Variants in SRGAP2C observed in about 807,000 individuals in gnomAD.
SRGAP2C encodes SLIT-ROBO Rho GTPase activating protein 2C, also known as SLIT-ROBO Rho GTPase-activating protein 2C.
Under a neutral mutation model 25.1 loss-of-function variants are expected in SRGAP2C, and 15 were observed. The observed-to-expected ratio is 0.60, with a 90% CI of 0.40 to 0.92. The LOEUF (loss-of-function observed/expected upper bound fraction) is 0.92, where lower values mean the gene tolerates loss of function less well. Among genes scored for constraint, SRGAP2C ranks in the 40% least tolerant of loss-of-function variants. The probability of loss-of-function intolerance (pLI) is 0.00; values close to 1 mark genes in which losing one functional copy is unlikely to be tolerated. For synonymous variants in SRGAP2C, 44 were observed against 96.6 expected, an observed-to-expected ratio of 0.46 and a Z score of 3.19; for missense variants, 144 against 264.4, an observed-to-expected ratio of 0.54 and a Z score of 3.16.
chr1:121,347,062 C>G (rs1296379495), intron 4 of SRGAP2C, among the ~76,000 whole-genome samples: 1 of 147,996 alleles, frequency 6.8e-6, no homozygotes, highest in East Asian at 2.0e-4. Context: ...AGGAAATGAA[C>G]ATTAGACCAG....
intron 3 of SRGAP2C, among the ~76,000 whole-genome samples, chr1:121,323,155 C>T (rs1658245903): frequency 6.6e-6 from 1 of 150,516 alleles, no homozygotes; most frequent in Non-Finnish European, 1.5e-5. Context: ...GTATAAAGGG[C>T]CCAGATATGT....
chr1:121,339,084 T>TTA (rs1658589223), intron 4 of SRGAP2C, among the ~76,000 whole-genome samples: 1 of 151,762 alleles, frequency 6.6e-6, no homozygotes, highest in African/African-American at 2.4e-5. Context: ...GAGAGTTACA[T>TTA]TATATATTAA....
chr1:121,371,937 T>C (rs1659502476), intron 5 of SRGAP2C, among the ~76,000 whole-genome samples: 1 of 151,594 alleles, frequency 6.6e-6, no homozygotes, highest in South Asian at 2.1e-4. Flanking sequence ...TCTACACTTC[T>C]TCAGCTGAGA....
intron 4 of SRGAP2C, among the ~76,000 whole-genome samples, chr1:121,359,730 A>G (rs1234736104): frequency 1.3e-5 from 2 of 152,254 alleles, no homozygotes; most frequent in Non-Finnish European, 2.9e-5. Flanking sequence ...AGCTATGGTC[A>G]GGCCACTGCA....
intron 2 of SRGAP2C, among the ~76,000 whole-genome samples, chr1:121,261,092 C>CTCTTT (rs1399110002): frequency 4.3e-5 from 1 of 23,504 alleles, no homozygotes; most frequent in Non-Finnish European, 9.3e-5. Flanking sequence ...CCACACCTGG[C>CTCTTT]TATTTTTTTT....
intron 2 of SRGAP2C, among the ~76,000 whole-genome samples, chr1:121,258,568 A>G (rs1558097259): frequency 6.6e-6 from 1 of 150,870 alleles, no homozygotes; most frequent in Non-Finnish European, 1.5e-5. Flanking sequence ...TGGGTTCAAG[A>G]GATTCTCCTG....
intron 2 of SRGAP2C, among the ~76,000 whole-genome samples, chr1:121,195,153 G>C (rs1431276331): frequency 6.6e-5 from 10 of 151,952 alleles, no homozygotes; most frequent in Non-Finnish European, 1.3e-4. Context: ...GCTTACATCT[G>C]TAATCCCAGC....
chr1:121,243,832 GCC>G (rs1243605262), intron 2 of SRGAP2C, among the ~76,000 whole-genome samples: 17 of 113,890 alleles, frequency 1.5e-4, no homozygotes, highest in Non-Finnish European at 2.9e-4. Flanking sequence ...AATAAAGTTG[GCC>G]CTCAATAGGT....
intron 2 of SRGAP2C, among the ~76,000 whole-genome samples, chr1:121,223,026 T>C (rs587726962): frequency 6.6e-6 from 1 of 152,100 alleles, no homozygotes; most frequent in East Asian, 1.9e-4. Context: ...TACAGCTAAA[T>C]TGATGAGATC....
At chr1:121,203,953 C>T (rs1553322157) in intron 2 of SRGAP2C, among the ~76,000 whole-genome samples, 1 of 78,096 alleles carries the variant, frequency 1.3e-5, no homozygotes, top group Non-Finnish European at 2.5e-5. Context: ...GGGTTGTTTC[C>T]TATTTTAGGC....
At chr1:121,201,726 G>A (rs1316704023) in intron 2 of SRGAP2C, among the ~76,000 whole-genome samples, 1 of 152,248 alleles carries the variant, frequency 6.6e-6, no homozygotes, top group Non-Finnish European at 1.5e-5. Flanking sequence ...TGATGTGAAA[G>A]CAAGGCTATT....
At chr1:121,339,401 G>A (rs1658598112) in intron 4 of SRGAP2C, among the ~76,000 whole-genome samples, 1 of 151,242 alleles carries the variant, frequency 6.6e-6, no homozygotes, top group Non-Finnish European at 1.5e-5. Flanking sequence ...ACAGGCGTGG[G>A]CTACCACATC....
chr1:121,306,237 G>C (rs1449836059), intron 3 of SRGAP2C, among the ~76,000 whole-genome samples: 11 of 137,804 alleles, frequency 8.0e-5, no homozygotes, highest in Admixed American at 2.2e-4. Flanking sequence ...TCGGGAGTGA[G>C]TAGACACTCC....
chr1:121,279,477 A>G (rs1245004241), intron 2 of SRGAP2C, among the ~76,000 whole-genome samples: 2 of 150,086 alleles, frequency 1.3e-5, no homozygotes, highest in Non-Finnish European at 1.5e-5. Context: ...TGTAATTTGG[A>G]GTCTACATGA....
chr1:121,383,497 T>C (rs1193510401), intron 8 of SRGAP2C, among the ~76,000 whole-genome samples: 3 of 146,774 alleles, frequency 2.0e-5, no homozygotes, highest in African/African-American at 5.0e-5. Context: ...TGTTTGGGTA[T>C]TGAATAAAAA....
At chr1:121,239,400 C>T (rs1553329461) in intron 2 of SRGAP2C, among the ~76,000 whole-genome samples, 1 of 70,618 alleles carries the variant, frequency 1.4e-5, no homozygotes, top group Non-Finnish European at 2.6e-5. Flanking sequence ...GGGATGGGTA[C>T]TAATGGGAAT....
At chr1:121,214,032 C>T (rs1553324309) in intron 2 of SRGAP2C, among the ~76,000 whole-genome samples, 2 of 144,144 alleles carry the variant, frequency 1.4e-5, no homozygotes, top group East Asian at 4.1e-4. Flanking sequence ...GACAGAGTCT[C>T]ACTCTGTTGC....
intron 2 of SRGAP2C, among the ~76,000 whole-genome samples, chr1:121,198,375 T>C (rs1553321043): frequency 2.9e-5 from 4 of 137,500 alleles, no homozygotes. Context: ...CTGTGAAAGT[T>C]GGGACCTTAT....
chr1:121,353,456 T>G (rs1427146943), intron 4 of SRGAP2C, among the ~76,000 whole-genome samples: 3 of 147,892 alleles, frequency 2.0e-5, no homozygotes, highest in African/African-American at 7.5e-5. Flanking sequence ...GTGCTGCAGT[T>G]ACAGGCATGA....
Sources: allele counts gnomAD v4.1 joint callset (sites outside exome capture counted in the v4.1 genomes callset), GRCh38; gene constraint gnomAD v4.1.1; transcripts MANE v1.5; gene names NCBI Gene and HGNC (gene_info 2026-07-23, HGNC 2026-07-21).